GIPC2: variants seen among roughly 807,000 people sequenced by gnomAD.
GIPC2 encodes the protein GIPC PDZ domain containing family member 2.
A neutral mutation model predicts 30.6 loss-of-function variants in GIPC2; 30 were observed. The ratio of observed to expected loss-of-function variants is 0.98; its 90% confidence interval spans 0.73 to 1.33. The LOEUF (loss-of-function observed/expected upper bound fraction) is 1.33. Ranked by LOEUF, GIPC2 falls within the 40% of genes most tolerant of loss-of-function variation. The pLI, the probability that GIPC2 is intolerant of heterozygous loss-of-function variation, is 0.00. For missense variants in GIPC2, 414 were observed against 390.3 expected (o/e 1.06, Z -0.51); for synonymous variants, 167 against 150.0 (o/e 1.11, Z -0.83).
At chr1:78,084,415 A>G (rs193164453) in intron 2 of GIPC2, among the ~76,000 whole-genome samples, 2 of 151,824 alleles carry the variant, frequency 1.3e-5, no homozygotes, top group Non-Finnish European at 2.9e-5. Context: ...GGAGGCCAAG[A>G]CAGGAGAATC....
intron 2 of GIPC2, among the ~76,000 whole-genome samples, chr1:78,085,616 A>G (rs1162236546): frequency 6.6e-6 from 1 of 150,406 alleles, no homozygotes; most frequent in African/African-American, 2.4e-5. Flanking sequence ...TGGTCTGTTC[A>G]GGAAATCAGT....
intron 2 of GIPC2, among the ~76,000 whole-genome samples, chr1:78,086,145 A>G (rs1661925030): frequency 6.6e-6 from 1 of 152,106 alleles, no homozygotes; most frequent in Admixed American, 6.6e-5. Flanking sequence ...ATTAGTTTCA[A>G]ATAATTTCTT....
intron 3 of GIPC2, among the ~76,000 whole-genome samples, chr1:78,111,099 C>T (rs1463040908): frequency 1.3e-5 from 2 of 152,160 alleles, no homozygotes; most frequent in Non-Finnish European, 2.9e-5. Flanking sequence ...ATGGAAAGTA[C>T]AGAAACTGTT....
At chr1:78,089,767 A>T (rs1457743015) in intron 2 of GIPC2, among the ~76,000 whole-genome samples, 2 of 152,250 alleles carry the variant, frequency 1.3e-5, no homozygotes, top group African/African-American at 4.8e-5. Context: ...TTAAGAGCAT[A>T]CTTATAACAA....
chr1:78,046,429 C>G (rs894754828), intron 1 of GIPC2, 95 bp downstream of exon 1: 45 of 1,194,970 alleles, frequency 3.8e-5, no homozygotes, highest in African/African-American at 4.7e-5. Context: ...AGCGGCGTTT[C>G]CCGGAGCGCG....
intron 1 of GIPC2, among the ~76,000 whole-genome samples, chr1:78,076,772 A>C (rs1398137619): frequency 6.6e-6 from 1 of 151,982 alleles, no homozygotes; most frequent in Non-Finnish European, 1.5e-5. Flanking sequence ...GTTTTATTTT[A>C]ATTTTATTTT....
chr1:78,074,703 CTTCT>C (rs1485997043), intron 1 of GIPC2, among the ~76,000 whole-genome samples: 1 of 152,096 alleles, frequency 6.6e-6, no homozygotes, highest in Non-Finnish European at 1.5e-5. Flanking sequence ...TTCTTTTTCT[CTTCT>C]TTCTATTTAA....
At chr1:78,134,368 ATG>A in intron 5 of GIPC2, among the ~76,000 whole-genome samples, 1 of 150,406 alleles carries the variant, frequency 6.6e-6, no homozygotes, top group Non-Finnish European at 1.5e-5. Flanking sequence ...GTGTGTATGT[ATG>A]TGTGTGTGTA....
chr1:78,080,245 A>G (rs532965829), intron 1 of GIPC2, among the ~76,000 whole-genome samples: 1 of 152,296 alleles, frequency 6.6e-6, no homozygotes, highest in Admixed American at 6.5e-5. Context: ...AGCATTATAA[A>G]ATGTCAGGTC....
intron 3 of GIPC2, among the ~76,000 whole-genome samples, chr1:78,109,789 A>G (rs967689405): frequency 3.9e-5 from 6 of 152,200 alleles, no homozygotes; most frequent in Admixed American, 3.9e-4. Context: ...AACCAACTCA[A>G]ATGTCCAACA....
chr1:78,046,334 G>T lies in GIPC2; in HGVS notation c.240G>T (p.Glu80Asp). 6.2e-7 allele frequency: 1 copy of T among 1,609,150 alleles called. No individual in the cohort carries two copies. ...GCGCGTTTGAAATCTCGCCGTCGGA[G>T]GTAAGGCGCCAGGTGCTCAGGCTCT... ...IAGAFEISPS[E>D]ILYCTLNTPK... The change falls in exon 1 of 6, where the codon GAG (glutamate) becomes GAT (aspartate). Residue 80 changes from glutamate (E) to aspartate (D), a missense_variant and splice_region_variant. Transcript: ENST00000370759.
chr1:78,117,721 C>T (rs1219327650), intron 3 of GIPC2, among the ~76,000 whole-genome samples: 1 of 152,188 alleles, frequency 6.6e-6, no homozygotes, highest in Non-Finnish European at 1.5e-5. Context: ...TTCCCCTGAA[C>T]TGCTGCCATG....
intron 3 of GIPC2, among the ~76,000 whole-genome samples, chr1:78,116,588 G>T (rs1662571029): frequency 6.6e-6 from 1 of 150,456 alleles, no homozygotes; most frequent in Admixed American, 6.7e-5. Flanking sequence ...TCCCACCTAT[G>T]AATGAGAACA....
At chr1:78,108,229 C>G (rs1662396999) in intron 3 of GIPC2, among the ~76,000 whole-genome samples, 1 of 152,134 alleles carries the variant, frequency 6.6e-6, no homozygotes, top group African/African-American at 2.4e-5. Flanking sequence ...AAATTAGAGT[C>G]TAGAGGTTTG....
intron 4 of GIPC2, among the ~76,000 whole-genome samples, chr1:78,121,826 A>AAGCAATATTCAGCAAGATTC (rs1242147611): frequency 2.6e-5 from 4 of 152,204 alleles, no homozygotes; most frequent in African/African-American, 9.6e-5. Context: ...TTGAATGAAT[A>AAGCAATATTCAGCAAGATTC]AGCAAATCTC....
intron 1 of GIPC2, among the ~76,000 whole-genome samples, chr1:78,074,019 TCAA>T (rs907410588): frequency 2.6e-5 from 4 of 152,186 alleles, no homozygotes; most frequent in African/African-American, 9.7e-5. Flanking sequence ...AAGTTATTCT[TCAA>T]CAACAACAAA....
At chr1:78,072,018 C>T (rs1661628823) in intron 1 of GIPC2, among the ~76,000 whole-genome samples, 1 of 152,092 alleles carries the variant, frequency 6.6e-6, no homozygotes, top group Non-Finnish European at 1.5e-5. Context: ...GGGAAAACAC[C>T]CTGGAGTTGG....
Position 78,078,144 on chromosome 1 carries a change from C to A in GIPC2, c.241-2531C>A, listed in dbSNP as rs552215763. On this transcript the variant is annotated intron_variant, in intron 1 of 5. Coordinates refer to ENST00000370759, the MANE Select transcript of GIPC2 (RefSeq NM_017655.6). Reference sequence around the variant, plus strand: ...CGGAGCTTGCAGTGAGCCGAGATCCCGCCACTGCACTCCAGCCTGGGCGAC... The same window carrying A: ...CGGAGCTTGCAGTGAGCCGAGATCCAGCCACTGCACTCCAGCCTGGGCGAC... 2.0e-4 allele frequency among the ~76,000 whole-genome samples: 28 copies of A among 141,690 alleles called. No homozygotes were observed. The South Asian group carries it at 5.9e-3, about 30-fold the overall frequency. 93.0% of individuals were successfully genotyped at this position (141,690 alleles called of 152,430 possible). A position where few individuals can be genotyped will look rare whatever the true frequency, so the allele number is the denominator to read the frequency against.
intron 1 of GIPC2, among the ~76,000 whole-genome samples, chr1:78,064,393 A>G (rs1471694948): frequency 2.0e-5 from 3 of 152,158 alleles, no homozygotes; most frequent in African/African-American, 7.2e-5. Context: ...GCTTCCCTCA[A>G]ATGCCAGTGG....
Sources: allele counts gnomAD v4.1 joint callset (sites outside exome capture counted in the v4.1 genomes callset), GRCh38; gene constraint gnomAD v4.1.1; transcripts MANE v1.5; gene names NCBI Gene and HGNC (gene_info 2026-07-23, HGNC 2026-07-21).